The following CCDC7 variants were observed in gnomAD, a reference collection of about 807,000 sequenced individuals.
CCDC7 encodes the protein coiled-coil domain-containing protein 7.
Under a neutral mutation model 196.9 loss-of-function variants are expected in CCDC7, and 183 were observed. That is an observed-to-expected ratio of 0.93 (90% CI 0.82 to 1.05). The LOEUF is 1.05. Ranked by LOEUF, CCDC7 falls within the 50% of genes least tolerant of loss-of-function variation. CCDC7 has a pLI of 0.00. For missense variants in CCDC7, 1,540 were observed against 1,482.2 expected (o/e 1.04, Z -0.64); for synonymous variants, 525 against 484.6 (o/e 1.08, Z -1.10).
chr10:32,495,582 G>T (rs1025894551), intron 9 of CCDC7, among the ~76,000 whole-genome samples: 2 of 152,120 alleles, frequency 1.3e-5, no homozygotes, highest in African/African-American at 4.8e-5. Flanking sequence ...GTGTAAGGAA[G>T]GGATCCCAGT....
At chr10:32,688,724 T>G (rs1427427843) in intron 22 of CCDC7, among the ~76,000 whole-genome samples, 2 of 152,218 alleles carry the variant, frequency 1.3e-5, no homozygotes, top group African/African-American at 4.8e-5. Context: ...TATTTGCAAT[T>G]ATGCTGTAAT....
At chr10:32,562,733 T>C (rs1014815516) in intron 13 of CCDC7, among the ~76,000 whole-genome samples, 1 of 150,990 alleles carries the variant, frequency 6.6e-6, no homozygotes, top group Non-Finnish European at 1.5e-5. Flanking sequence ...CCTTTGAAAC[T>C]GGCACAAGAC....
intron 20 of CCDC7, among the ~76,000 whole-genome samples, chr10:32,644,165 A>T (rs535213692): frequency 2.6e-5 from 4 of 152,286 alleles, no homozygotes; most frequent in African/African-American, 9.6e-5. Context: ...AAATTACCAT[A>T]TATATCGCTA....
At chr10:32,475,327 G>A (rs1024967915) in intron 8 of CCDC7, among the ~76,000 whole-genome samples, 6 of 152,132 alleles carry the variant, frequency 3.9e-5, no homozygotes, top group African/African-American at 1.4e-4. Flanking sequence ...ATTTCCATAT[G>A]TACTGCATTC....
intron 40 of CCDC7, among the ~76,000 whole-genome samples, chr10:32,853,621 A>G (rs1395840305): frequency 6.6e-6 from 1 of 152,180 alleles, no homozygotes; most frequent in African/African-American, 2.4e-5. Context: ...AGTTTTAATT[A>G]TATAGTTTTG....
chr10:32,830,120 G>GTATATATATATATATATA (rs2091944455), intron 32 of CCDC7, among the ~76,000 whole-genome samples: 1 of 10,744 alleles, frequency 9.3e-5, no homozygotes, highest in African/African-American at 1.3e-4. Flanking sequence ...ATATATATAA[G>GTATATATATATATATATA]GATATATATA....
chr10:32,625,082 C>T (rs191933971), intron 18 of CCDC7, among the ~76,000 whole-genome samples: 127 of 146,340 alleles, frequency 8.7e-4, no homozygotes, highest in African/African-American at 2.9e-3. Flanking sequence ...TGGTGTCCTA[C>T]CCAGAAAATC....
intron 39 of CCDC7, among the ~76,000 whole-genome samples, chr10:32,849,499 T>TA (rs2093451459): frequency 6.6e-6 from 1 of 151,794 alleles, no homozygotes; most frequent in Non-Finnish European, 1.5e-5. Flanking sequence ...GGTCAAGAGA[T>TA]AGAGACCATC....
intron 28 of CCDC7, among the ~76,000 whole-genome samples, chr10:32,761,728 A>G (rs1468569642): frequency 6.6e-6 from 1 of 152,002 alleles, no homozygotes; most frequent in African/African-American, 2.4e-5. Context: ...ATTTTATAGG[A>G]TATCTTCTGT....
At chr10:32,667,018 C>T (rs1356139528) in intron 21 of CCDC7, among the ~76,000 whole-genome samples, 2 of 152,268 alleles carry the variant, frequency 1.3e-5, no homozygotes, top group East Asian at 1.9e-4. Flanking sequence ...CCTATTTCTC[C>T]ACATCCTCTC....
At chr10:32,537,046 T>G (rs2050624383) in intron 11 of CCDC7, among the ~76,000 whole-genome samples, 1 of 152,194 alleles carries the variant, frequency 6.6e-6, no homozygotes, top group Non-Finnish European at 1.5e-5. Flanking sequence ...CAAATAGTTA[T>G]TCTTTTTTAA....
chr10:32,877,843 G>A (rs2094643497), downstream of CCDC7, among the ~76,000 whole-genome samples: 1 of 152,108 alleles, frequency 6.6e-6, no homozygotes, highest in African/African-American at 2.4e-5. Context: ...GATTCTCTGT[G>A]TGATTCTAAT....
At chr10:32,541,815 G>C (rs1267360062) in intron 11 of CCDC7, among the ~76,000 whole-genome samples, 1 of 152,198 alleles carries the variant, frequency 6.6e-6, no homozygotes. Flanking sequence ...CCCACTCCCA[G>C]TCTTGCACAG....
intron 29 of CCDC7, among the ~76,000 whole-genome samples, chr10:32,782,458 C>A (rs970247212): frequency 4.6e-5 from 7 of 152,138 alleles, no homozygotes; most frequent in Admixed American, 3.9e-4. Flanking sequence ...AAACTCCTGA[C>A]CTCAAGTGAT....
At chr10:32,502,504 G>A (rs1330198653) in intron 9 of CCDC7, among the ~76,000 whole-genome samples, 1 of 151,944 alleles carries the variant, frequency 6.6e-6, no homozygotes, top group African/African-American at 2.4e-5. Flanking sequence ...GTTCCTATTT[G>A]GCCATCTTTT....
intron 11 of CCDC7, among the ~76,000 whole-genome samples, chr10:32,524,168 A>G (rs2135686484): frequency 6.8e-6 from 1 of 147,142 alleles, no homozygotes; most frequent in Middle Eastern, 3.5e-3. Context: ...TTTTGATTTG[A>G]GGTTACCATG....
At chr10:32,697,832 T>C (rs2077982795) in intron 24 of CCDC7, among the ~76,000 whole-genome samples, 1 of 152,124 alleles carries the variant, frequency 6.6e-6, no homozygotes, top group African/African-American at 2.4e-5. Context: ...TGGTTCTCCG[T>C]GCATGGAGTT....
chr10:32,667,628 C>T (rs1440708892), intron 21 of CCDC7, among the ~76,000 whole-genome samples: 1 of 152,100 alleles, frequency 6.6e-6, no homozygotes, highest in Non-Finnish European at 1.5e-5. Context: ...AATAGGGAAT[C>T]CTTTCCCCAT....
intron 9 of CCDC7, among the ~76,000 whole-genome samples, chr10:32,517,404 A>G (rs185429070): frequency 2.4e-4 from 37 of 152,226 alleles, no homozygotes; most frequent in African/African-American, 8.4e-4. Flanking sequence ...AGTTACATGC[A>G]GTATTGTGTA....
Sources: allele counts gnomAD v4.1 joint callset (sites outside exome capture counted in the v4.1 genomes callset), GRCh38; gene constraint gnomAD v4.1.1; transcripts MANE v1.5; gene names NCBI Gene and HGNC (gene_info 2026-07-23, HGNC 2026-07-21).